IGSF10: variants seen among roughly 807,000 people sequenced by gnomAD.
IGSF10 encodes the protein calvaria mechanical force protein 608.
Under a neutral mutation model 128.2 loss-of-function variants are expected in IGSF10, and 126 were observed. The ratio of observed to expected loss-of-function variants is 0.98; its 90% CI spans 0.85 to 1.14. The LOEUF (loss-of-function observed/expected upper bound fraction) is 1.14, where lower values mean the gene tolerates loss of function less well. IGSF10 is among the 50% of genes most tolerant of loss of function. The pLI, the probability that IGSF10 is intolerant of heterozygous loss-of-function variation, is 0.00. For synonymous variants in IGSF10, 1,185 were observed against 1,146.2 expected (o/e 1.03, Z -0.68); for missense variants, 3,295 against 3,149.8 (o/e 1.05, Z -1.10).
chr3:151,445,053 T>C lies in IGSF10; in HGVS notation c.4928A>G (p.Tyr1643Cys), dbSNP rs1419183095. The change falls in exon 6 of 8, where the codon TAT becomes TGT. Residue 1643 changes from tyrosine to cysteine, a missense_variant. Transcript: ENST00000282466. ...AACTATCCTGGGCTTTTCAAATATA[T>C]ACCTAGACAAAGAGTCAAAGGGAAG... Reference protein sequence around the residue: ...KLLPFDSLSRYIFEKPRIVGG... With the variant: ...KLLPFDSLSRCIFEKPRIVGG... The C allele has an allele frequency of 1.9e-6, 3 of 1,614,074 alleles. No homozygotes were observed. The highest frequency in any genetic ancestry group is 2.5e-6 in the Non-Finnish European group (3 of 1,180,028).
At chr3:151,531,930 C>T in the IGSF10 span, among the ~76,000 whole-genome samples, 1 of 151,454 alleles carries the variant, frequency 6.6e-6, no homozygotes, top group Admixed American at 6.6e-5. Context: ...AAATAGACCG[C>T]TAGCAAGACT....
chr3:151,463,328 A>C (rs1722132465), upstream of IGSF10, among the ~76,000 whole-genome samples: 1 of 152,062 alleles, frequency 6.6e-6, no homozygotes, highest in African/African-American at 2.4e-5. Context: ...TTATAGTTAG[A>C]GTATATATGT....
the IGSF10 span, among the ~76,000 whole-genome samples, chr3:151,528,410 G>A: frequency 2.6e-5 from 4 of 152,208 alleles, no homozygotes; most frequent in African/African-American, 9.6e-5. Context: ...GGGACTTGCT[G>A]GCATGATGGC....
chr3:151,461,405 G>C, upstream of IGSF10: 1 of 985,130 alleles, frequency 1.0e-6, no homozygotes, highest in Non-Finnish European at 1.2e-6. Flanking sequence ...TGAAGGCTAA[G>C]TTAGCGTTAA....
the IGSF10 span, among the ~76,000 whole-genome samples, chr3:151,481,757 G>A: frequency 6.6e-6 from 1 of 152,102 alleles, no homozygotes; most frequent in Non-Finnish European, 1.5e-5. Flanking sequence ...ATGACCCACG[G>A]AAGACTCAGC....
chr3:151,522,861 G>C, the IGSF10 span, among the ~76,000 whole-genome samples: 4 of 151,922 alleles, frequency 2.6e-5, no homozygotes, highest in African/African-American at 9.7e-5. Context: ...AGAAAGAAAG[G>C]ACATCCAAAT....
the IGSF10 span, among the ~76,000 whole-genome samples, chr3:151,559,248 T>C: frequency 6.6e-6 from 1 of 152,160 alleles, no homozygotes; most frequent in Non-Finnish European, 1.5e-5. Context: ...CACAGGCACG[T>C]ACCTGAAGGC....
At chr3:151,432,955 G>T, downstream of IGSF10, 2 of 558,032 alleles carry the variant, frequency 3.6e-6, no homozygotes, top group African/African-American at 1.9e-5. Flanking sequence ...AAAAAAAAAA[G>T]GTGTTTAAAC....
chr3:151,531,181 T>C, the IGSF10 span, among the ~76,000 whole-genome samples: 6 of 152,118 alleles, frequency 3.9e-5, no homozygotes, highest in Non-Finnish European at 7.4e-5. Flanking sequence ...GCACCCAGAT[T>C]CATAAAGCAA....
chr3:151,525,392 G>A, the IGSF10 span, among the ~76,000 whole-genome samples: 1 of 152,134 alleles, frequency 6.6e-6, no homozygotes, highest in Non-Finnish European at 1.5e-5. Flanking sequence ...TTAAGATAGA[G>A]TAGCATCCAA....
At chr3:151,588,174 A>G in the IGSF10 span, among the ~76,000 whole-genome samples, 1 of 152,200 alleles carries the variant, frequency 6.6e-6, no homozygotes. Context: ...TCAGTGTTTC[A>G]GTTAGATTCA....
At chr3:151,512,278 C>A in the IGSF10 span, among the ~76,000 whole-genome samples, 1 of 152,178 alleles carries the variant, frequency 6.6e-6, no homozygotes, top group Admixed American at 6.5e-5. Flanking sequence ...GACCACAGTG[C>A]AATCAAACTA....
the IGSF10 span, among the ~76,000 whole-genome samples, chr3:151,468,305 G>C: frequency 4.6e-5 from 7 of 152,116 alleles, no homozygotes; most frequent in Admixed American, 3.9e-4. Flanking sequence ...TGGCTACAGG[G>C]GCTGCGACCA....
Position 151,443,542 on chromosome 3 carries a change from T to C in IGSF10, c.5405A>G (p.Asp1802Gly), listed in dbSNP as rs35736581. The C allele has an allele frequency of 1.2e-6, 2 of 1,614,094 alleles. No homozygotes were observed. Among genetic ancestry groups the C allele is most frequent in the Non-Finnish European group, 8.5e-7 (1 of 1,180,042 alleles). Residue 1802 changes from aspartate to glycine, a missense_variant, in exon 7 of 8, where the codon GAC becomes GGC. Transcript: ENST00000282466. ...QGSRQAVVTV[D>G]GTLVLHNLSI... is the part of the protein sequence containing the mutation. ...GAGATTGTGGAGGACCAATGTTCCG[T>C]CAACCGTCACCACAGCCTGCCTACT...
the IGSF10 span, among the ~76,000 whole-genome samples, chr3:151,509,524 C>T: frequency 6.6e-6 from 1 of 152,214 alleles, no homozygotes; most frequent in Non-Finnish European, 1.5e-5. Flanking sequence ...ATAGGAACAG[C>T]TCCAGTCTAC....
intron 7 of IGSF10, among the ~76,000 whole-genome samples, chr3:151,438,852 G>GTATA (rs368977751): frequency 4.8e-5 from 4 of 83,784 alleles, no homozygotes; most frequent in Admixed American, 3.5e-4. Flanking sequence ...ACATTTTGAG[G>GTATA]TATATATATA....
At chr3:151,513,428 G>A in the IGSF10 span, among the ~76,000 whole-genome samples, 1 of 152,116 alleles carries the variant, frequency 6.6e-6, no homozygotes, top group Non-Finnish European at 1.5e-5. Context: ...AACCCTTCAG[G>A]CTAAAAACTC....
the IGSF10 span, among the ~76,000 whole-genome samples, chr3:151,612,244 TGAAAATGA>T: frequency 6.6e-6 from 1 of 152,212 alleles, no homozygotes; most frequent in Non-Finnish European, 1.5e-5. Flanking sequence ...AGAAAACTCT[TGAAAATGA>T]ATTGAAAAAC....
the IGSF10 span, among the ~76,000 whole-genome samples, chr3:151,523,256 G>A: frequency 6.6e-6 from 1 of 152,104 alleles, no homozygotes; most frequent in East Asian, 1.9e-4. Context: ...GCAACTCATA[G>A]GTTCAATGCT....
Sources: allele counts gnomAD v4.1 joint callset (sites outside exome capture counted in the v4.1 genomes callset), GRCh38; gene constraint gnomAD v4.1.1; transcripts MANE v1.5; gene names NCBI Gene and HGNC (gene_info 2026-07-23, HGNC 2026-07-21).